Variants in PLXNC1 observed in about 807,000 individuals in gnomAD.
The protein encoded by PLXNC1 is plexin-C1.
PLXNC1 carries 75 observed loss-of-function variants against 178.2 expected under a neutral mutation model. That is an observed-to-expected ratio of 0.42 (90% CI 0.35 to 0.51). The LOEUF (loss-of-function observed/expected upper bound fraction) is 0.51. Ranked by LOEUF, PLXNC1 falls within the 20% of genes least tolerant of loss-of-function variation. The pLI is 0.02. For missense variants in PLXNC1, 1,503 were observed against 1,984.4 expected (o/e 0.76, Z 4.61); for synonymous variants, 790 against 779.9 (o/e 1.01, Z -0.22).
intron 14 of PLXNC1, among the ~76,000 whole-genome samples, chr12:94,249,459 C>A (rs1241351773): frequency 6.6e-6 from 1 of 152,158 alleles, no homozygotes; most frequent in Non-Finnish European, 1.5e-5. Context: ...GTCCCAAACT[C>A]CTTGCCTCAA....
intron 3 of PLXNC1, among the ~76,000 whole-genome samples, chr12:94,182,198 G>C (rs1295349953): frequency 6.6e-6 from 1 of 152,152 alleles, no homozygotes; most frequent in African/African-American, 2.4e-5. Flanking sequence ...CATGATCTCT[G>C]TCTAGGTGCA....
chr12:94,298,584 A>C, intron 26 of PLXNC1, 48 bp from the exon 27 acceptor site: 2 of 1,461,894 alleles, frequency 1.4e-6, no homozygotes, highest in African/African-American at 1.4e-5. Context: ...TTTCAAAACC[A>C]CTACCACAGT....
At chr12:94,160,732 G>A (rs1180854296) in intron 1 of PLXNC1, among the ~76,000 whole-genome samples, 1 of 152,168 alleles carries the variant, frequency 6.6e-6, no homozygotes, top group East Asian at 1.9e-4. Context: ...CTCTAATGCA[G>A]CCTGTAGACC....
intron 2 of PLXNC1, among the ~76,000 whole-genome samples, chr12:94,171,021 G>T (rs1163060664): frequency 6.6e-6 from 1 of 152,170 alleles, no homozygotes; most frequent in Non-Finnish European, 1.5e-5. Flanking sequence ...TTTGATGAGT[G>T]TTTTGACAAG....
At chr12:94,224,197 C>T (rs749877565) in intron 6 of PLXNC1, 31 bp from the exon 7 acceptor site, 13 of 1,302,710 alleles carry the variant, frequency 1.0e-5, no homozygotes, top group East Asian at 9.2e-5. Flanking sequence ...AGGACTCCAC[C>T]GTAAATGACA....
intron 17 of PLXNC1, among the ~76,000 whole-genome samples, chr12:94,258,401 T>C (rs1328496577): frequency 2.0e-5 from 3 of 152,158 alleles, no homozygotes. Flanking sequence ...CAAAATTCTC[T>C]ACAGAAGAAA....
Position 94,305,247 on chromosome 12 carries a change from G to A in PLXNC1, c.4669G>A (p.Val1557Ile). ...TCAGAAACAACTCTTGCATGTAAAA[G>A]TCTTATTTGATGAAAAGAAGAAATG... ...EAQKQLLHVK[V>I]LFDEKKKCKW... Residue 1557 changes from valine (V) to isoleucine (I), a missense_variant, in exon 31 of 31, where the codon GTC (valine) becomes ATC (isoleucine). By Grantham distance (29) the Val-to-Ile change is conservative (BLOSUM62 3). Around this residue, in one of 4 missense-constraint regions of PLXNC1, gnomAD observed 639 missense variants for 979.7 expected, o/e 0.65. Coordinates refer to ENST00000258526, the MANE Select transcript of PLXNC1 (RefSeq NM_005761.3). 2 of 1,611,286 alleles carry A rather than the reference G, an allele frequency of 1.2e-6. No individual in the cohort carries two copies. Among genetic ancestry groups the A allele is most frequent in the Non-Finnish European group, 1.7e-6 (2 of 1,178,154 alleles).
intron 4 of PLXNC1, among the ~76,000 whole-genome samples, chr12:94,202,195 A>G (rs894381185): frequency 1.3e-5 from 2 of 152,158 alleles, no homozygotes; most frequent in African/African-American, 4.8e-5. Context: ...ACGTACCTCA[A>G]TTTGAAATTA....
At chr12:94,263,583 A>T (rs1965063787) in intron 20 of PLXNC1, among the ~76,000 whole-genome samples, 1 of 149,042 alleles carries the variant, frequency 6.7e-6, no homozygotes, top group Non-Finnish European at 1.5e-5. Flanking sequence ...GGAGGAAAAG[A>T]GGTTCTAAGT....
intron 11 of PLXNC1, 58 bp downstream of exon 11, chr12:94,240,722 A>G: frequency 1.6e-6 from 2 of 1,276,566 alleles, no homozygotes; most frequent in Non-Finnish European, 1.1e-6. Context: ...ATGCCCAAAG[A>G]TCATTGATTT....
chr12:94,301,241 A>T (rs940459124), intron 28 of PLXNC1, among the ~76,000 whole-genome samples, 184 bp downstream of exon 28: 1 of 152,226 alleles, frequency 6.6e-6, no homozygotes, highest in Non-Finnish European at 1.5e-5. Context: ...TAATTTTTTT[A>T]AAGTGAAAAA....
intron 2 of PLXNC1, among the ~76,000 whole-genome samples, chr12:94,179,370 C>A (rs1962218759): frequency 6.6e-6 from 1 of 152,164 alleles, no homozygotes; most frequent in South Asian, 2.1e-4. Context: ...ATGTTGAACA[C>A]CTTCACTTTT....
intron 9 of PLXNC1, among the ~76,000 whole-genome samples, chr12:94,229,654 G>A (rs1964036678): frequency 6.6e-6 from 1 of 152,098 alleles, no homozygotes; most frequent in Non-Finnish European, 1.5e-5. Flanking sequence ...TGAAAAAAAT[G>A]TCCTTTCCCC....
intron 10 of PLXNC1, among the ~76,000 whole-genome samples, chr12:94,240,099 T>G (rs1302158410): frequency 6.6e-6 from 1 of 152,154 alleles, no homozygotes; most frequent in Non-Finnish European, 1.5e-5. Flanking sequence ...CACTGCTAAA[T>G]ACTTCAGTAC....
chr12:94,234,790 G>A (rs1040712508), intron 9 of PLXNC1, among the ~76,000 whole-genome samples: 1 of 152,156 alleles, frequency 6.6e-6, no homozygotes, highest in African/African-American at 2.4e-5. Flanking sequence ...TATATGCCAG[G>A]TTTTATGAAT....
At chr12:94,242,011 GA>G (rs1964402552) in intron 11 of PLXNC1, among the ~76,000 whole-genome samples, 1 of 151,440 alleles carries the variant, frequency 6.6e-6, no homozygotes, top group South Asian at 2.1e-4. Context: ...AGAAGAAAAG[GA>G]GGGGAAGAGA....
chr12:94,186,966 G>A (rs992457721), intron 4 of PLXNC1, among the ~76,000 whole-genome samples: 1 of 152,222 alleles, frequency 6.6e-6, no homozygotes, highest in African/African-American at 2.4e-5. Flanking sequence ...CAGTCTCCGG[G>A]CAGAATCTGC....
At chr12:94,235,690 G>A (rs750049912) in intron 9 of PLXNC1, among the ~76,000 whole-genome samples, 3 of 152,154 alleles carry the variant, frequency 2.0e-5, no homozygotes, top group Non-Finnish European at 2.9e-5. Context: ...TACTCCACTC[G>A]ACTGCTGCAG....
At chr12:94,208,695 T>C (rs1198610303) in intron 4 of PLXNC1, among the ~76,000 whole-genome samples, 1 of 152,226 alleles carries the variant, frequency 6.6e-6, no homozygotes, top group Non-Finnish European at 1.5e-5. Flanking sequence ...CGTTCTTTCC[T>C]TGATGCTATT....
Sources: allele counts gnomAD v4.1 joint callset (sites outside exome capture counted in the v4.1 genomes callset), GRCh38; gene constraint gnomAD v4.1.1; regional missense constraint gnomAD v4.1.1; transcripts MANE v1.5; gene names NCBI Gene and HGNC (gene_info 2026-07-23, HGNC 2026-07-21).